Variants in ATP11B observed in about 807,000 individuals in gnomAD.
The protein encoded by ATP11B is phospholipid-transporting ATPase IF.
ATP11B carries 81 observed loss-of-function variants against 157.8 expected under a neutral mutation model. That is an observed-to-expected ratio of 0.51 (90% CI 0.43 to 0.62). ATP11B has a LOEUF of 0.62. ATP11B is among the 20% of genes least tolerant of loss of function. The pLI is 0.00. For synonymous variants in ATP11B, 451 were observed against 469.4 expected, an observed-to-expected ratio of 0.96 and a Z score of 0.51; for missense variants, 1,165 against 1,402.2, an observed-to-expected ratio of 0.83 and a Z score of 2.70.
intron 1 of ATP11B, among the ~76,000 whole-genome samples, chr3:182,794,088 C>T (rs1437803833): frequency 6.6e-6 from 1 of 152,156 alleles, no homozygotes; most frequent in Non-Finnish European, 1.5e-5. Flanking sequence ...TGGCCAGAGG[C>T]GGGAGTCCCG....
intron 1 of ATP11B, among the ~76,000 whole-genome samples, chr3:182,811,531 C>T (rs767805164): frequency 5.9e-5 from 9 of 152,146 alleles, no homozygotes; most frequent in Admixed American, 2.6e-4. Context: ...TCCTAGAAGT[C>T]CACCTTCCTT....
At chr3:182,833,188 TAATC>T (rs1261293551) in intron 4 of ATP11B, among the ~76,000 whole-genome samples, 1 of 152,190 alleles carries the variant, frequency 6.6e-6, no homozygotes, top group African/African-American at 2.4e-5. Context: ...ATTTGGGAAT[TAATC>T]AGTTAATCTA....
chr3:182,823,476 A>T (rs10049257), intron 2 of ATP11B, among the ~76,000 whole-genome samples: 1 of 151,338 alleles, frequency 6.6e-6, no homozygotes, highest in African/African-American at 2.4e-5. Context: ...TGGTCTATAT[A>T]TCTGTTTTGG....
rs145273872 is a variant in ATP11B, at chr3:182,799,251, A to G, written c.27+5465A>G. Among the ~76,000 whole-genome samples the G allele has an allele frequency of 5.1e-3, 773 of 150,370 alleles. 7 individuals carry two copies. The highest frequency in any genetic ancestry group is 0.018 in the African/African-American group (734 of 41,046). On this transcript the variant is annotated intron_variant, in intron 1 of 29. Coordinates refer to ENST00000323116, the MANE Select transcript of ATP11B (RefSeq NM_014616.3). Reference sequence around the variant, plus strand: ...TGTTTATTCTTCATTTTGTTTCTGCAGTTGTCTGAGTGCTGATCTTTCTTT... The same window carrying G: ...TGTTTATTCTTCATTTTGTTTCTGCGGTTGTCTGAGTGCTGATCTTTCTTT...
intron 12 of ATP11B, among the ~76,000 whole-genome samples, chr3:182,864,371 C>T (rs1056838122): frequency 3.9e-5 from 6 of 152,042 alleles, no homozygotes; most frequent in African/African-American, 1.4e-4. Context: ...CCATAAGGTA[C>T]GATGTTAACT....
chr3:182,811,101 T>C (rs1298123383), intron 1 of ATP11B, among the ~76,000 whole-genome samples: 1 of 152,162 alleles, frequency 6.6e-6, no homozygotes, highest in Non-Finnish European at 1.5e-5. Context: ...AATCAGATGC[T>C]GAAGTCATTG....
intron 1 of ATP11B, among the ~76,000 whole-genome samples, chr3:182,813,162 A>G (rs1716770440): frequency 6.6e-6 from 1 of 152,192 alleles, no homozygotes; most frequent in Non-Finnish European, 1.5e-5. Flanking sequence ...TATTGTGAAT[A>G]ATGCTGCTTT....
chr3:182,896,858 C>T (rs550378443), intron 26 of ATP11B, 93 bp downstream of exon 26: 1 of 822,792 alleles, frequency 1.2e-6, no homozygotes, highest in African/African-American at 1.7e-5. Context: ...GATACTTTCC[C>T]TTTTTCCATT....
At chr3:182,856,812 A>T (rs1720442761) in intron 10 of ATP11B, among the ~76,000 whole-genome samples, 3 of 152,184 alleles carry the variant, frequency 2.0e-5, no homozygotes, top group Admixed American at 2.0e-4. Context: ...TAGGGAGAAA[A>T]ATCAGAATTC....
At chr3:182,883,204 A>G (rs1389827713) in intron 21 of ATP11B, among the ~76,000 whole-genome samples, 2 of 152,204 alleles carry the variant, frequency 1.3e-5, no homozygotes, top group African/African-American at 2.4e-5. Context: ...TTACAAGTAT[A>G]CATTTGAAGC....
intron 1 of ATP11B, among the ~76,000 whole-genome samples, chr3:182,803,355 G>T (rs12696498): frequency 0.52 from 79,316 of 152,058 alleles, 23,577 homozygotes; most frequent in Non-Finnish European, 0.67. Context: ...TAGATTGCCC[G>T]TTTTCCATTG....
chr3:182,915,067 T>C, intron 29 of ATP11B: 1 of 985,376 alleles, frequency 1.0e-6, no homozygotes, highest in Non-Finnish European at 1.2e-6. Flanking sequence ...TCCTATCTAC[T>C]GGAAAAAGGA....
Position 182,892,067 on chromosome 3 carries a change from G to A in ATP11B, c.2982+2519G>A, listed in dbSNP as rs894310239. Among the ~76,000 whole-genome samples, 23 of 152,180 alleles carry A rather than the reference G, an allele frequency of 1.5e-4. 1 individual carries two copies. The Middle Eastern group carries it at 0.01, about 68-fold the overall frequency. On this transcript the variant is annotated intron_variant, in intron 25 of 29. Coordinates refer to ENST00000323116, the MANE Select transcript of ATP11B (RefSeq NM_014616.3). ...GATCATGTCCTACTCAATCCCACCCGGTCTAATTCTCCCAGAAACTCTCTC... is the reference window on the plus strand; with the variant it reads ...GATCATGTCCTACTCAATCCCACCCAGTCTAATTCTCCCAGAAACTCTCTC...
intron 10 of ATP11B, among the ~76,000 whole-genome samples, chr3:182,857,328 T>C (rs768642701): frequency 1.2e-4 from 18 of 152,080 alleles, no homozygotes; most frequent in Non-Finnish European, 2.2e-4. Flanking sequence ...TTTGTATTTT[T>C]AGTAGAGATG....
intron 1 of ATP11B, among the ~76,000 whole-genome samples, chr3:182,807,056 C>CA (rs1716369921): frequency 2.0e-5 from 3 of 151,548 alleles, no homozygotes; most frequent in African/African-American, 7.3e-5. Context: ...AAAAAAAAGA[C>CA]TATCTGTCTT....
At chr3:182,907,150 C>G (rs955751409) in intron 28 of ATP11B, among the ~76,000 whole-genome samples, 3 of 151,850 alleles carry the variant, frequency 2.0e-5, no homozygotes, top group Middle Eastern at 3.4e-3. Flanking sequence ...TCTCTTCTCT[C>G]GAGGAATAAC....
In ATP11B at chr3:182,921,380, T is replaced by TA. The variant is rs1170168698; in HGVS notation, c.*3282dup. On this transcript the variant is annotated 3_prime_UTR_variant, in exon 30 of 30. Transcript: ENST00000323116. The stretch of plus-strand genomic sequence containing the variant: ...TGAAATAACTTGAATGTTGTTCCTA[T>TA]AAAAAATAGATCATAACTCATGATA... The TA allele has an allele frequency of 2.6e-5, 4 of 152,224 alleles. No homozygotes were observed. Among genetic ancestry groups the TA allele is most frequent in the Admixed American group, 6.5e-5 (1 of 15,286 alleles). 9.4% of individuals were successfully genotyped at this position (152,224 alleles called of 1,614,324 possible).
At chr3:182,819,079 C>CTTTTTT (rs11398702) in intron 1 of ATP11B, among the ~76,000 whole-genome samples, 1 of 135,230 alleles carries the variant, frequency 7.4e-6, no homozygotes, top group Non-Finnish European at 1.6e-5. Flanking sequence ...TCTAATATTT[C>CTTTTTT]TTTTTTTTTT....
intron 7 of ATP11B, among the ~76,000 whole-genome samples, chr3:182,840,063 C>T (rs1469193521): frequency 6.6e-6 from 1 of 152,178 alleles, no homozygotes; most frequent in Non-Finnish European, 1.5e-5. Flanking sequence ...AGTGCATGTA[C>T]TAGAACCTAA....
Sources: gnomAD v4.1 joint callset for allele counts (sites outside exome capture counted in the v4.1 genomes callset) on GRCh38, gnomAD v4.1.1 for gene constraint, MANE v1.5 for transcripts, NCBI Gene and HGNC (gene_info 2026-07-23, HGNC 2026-07-21) for gene names.